LPCAT2: variants seen among roughly 807,000 people sequenced by gnomAD.
LPCAT2 encodes lysophosphatidylcholine acyltransferase 2.
Under a neutral mutation model 64.7 loss-of-function variants are expected in LPCAT2, and 58 were observed. That is an observed-to-expected ratio of 0.90 (90% CI 0.73 to 1.12). The LOEUF (loss-of-function observed/expected upper bound fraction) is 1.12. LPCAT2 is among the 50% of genes most tolerant of loss of function. The pLI, the probability that LPCAT2 is intolerant of heterozygous loss-of-function variation, is 0.00. For missense variants in LPCAT2, 579 were observed against 669.8 expected, an observed-to-expected ratio of 0.86 and a Z score of 1.50; for synonymous variants, 252 against 245.3, an observed-to-expected ratio of 1.03 and a Z score of -0.26.
At chr16:55,573,293 A>G (rs1318232816) in intron 11 of LPCAT2, among the ~76,000 whole-genome samples, 1 of 152,118 alleles carries the variant, frequency 6.6e-6, no homozygotes, top group Non-Finnish European at 1.5e-5. Flanking sequence ...CATCCATGAA[A>G]CTCCAGCAAA....
chr16:55,562,906 A>T (rs1367591686), intron 11 of LPCAT2, among the ~76,000 whole-genome samples: 1 of 151,908 alleles, frequency 6.6e-6, no homozygotes, highest in Non-Finnish European at 1.5e-5. Flanking sequence ...TATTAAAGGT[A>T]GGATTTCTCA....
intron 1 of LPCAT2, among the ~76,000 whole-genome samples, chr16:55,517,165 A>G (rs1963024944): frequency 6.6e-6 from 1 of 152,278 alleles, no homozygotes; most frequent in Admixed American, 6.5e-5. Flanking sequence ...AGAGAGGACA[A>G]TACTACTGAC....
At chr16:55,566,743 G>T in intron 11 of LPCAT2, 1 of 1,593,080 alleles carries the variant, frequency 6.3e-7, no homozygotes, top group Non-Finnish European at 8.5e-7. Context: ...GCATTTGCTT[G>T]TTAAACTGAA....
chr16:55,509,627 G>A (rs1175902614), intron 1 of LPCAT2, among the ~76,000 whole-genome samples: 1 of 151,984 alleles, frequency 6.6e-6, no homozygotes, highest in African/African-American at 2.4e-5. Context: ...CGAGGGGCGC[G>A]TGGGTCTGAG....
chr16:55,574,041 G>A (rs1348113291), intron 11 of LPCAT2, among the ~76,000 whole-genome samples: 1 of 152,102 alleles, frequency 6.6e-6, no homozygotes, highest in Non-Finnish European at 1.5e-5. Flanking sequence ...TATTTTCATT[G>A]GCTTAGAAGT....
At chr16:55,574,544 A>G in intron 11 of LPCAT2, 87 bp from the exon 12 acceptor site, 1 of 903,128 alleles carries the variant, frequency 1.1e-6, no homozygotes, top group South Asian at 1.3e-5. Context: ...GTTGAGCTAT[A>G]AGACATACCT....
chr16:55,582,502 A>G (rs879412965), intron 13 of LPCAT2, among the ~76,000 whole-genome samples: 2 of 152,172 alleles, frequency 1.3e-5, no homozygotes, highest in Non-Finnish European at 2.9e-5. Flanking sequence ...ATAGCTGTTT[A>G]TTCATTTTCA....
At chr16:55,555,402 C>T (rs1963563344) in intron 11 of LPCAT2, among the ~76,000 whole-genome samples, 1 of 152,144 alleles carries the variant, frequency 6.6e-6, no homozygotes, top group Admixed American at 6.5e-5. Context: ...GAGGTAGTTG[C>T]TTATTGTATT....
chr16:55,511,397 C>G (rs1962930237), intron 1 of LPCAT2, among the ~76,000 whole-genome samples: 1 of 152,010 alleles, frequency 6.6e-6, no homozygotes, highest in African/African-American at 2.4e-5. Context: ...TCCATATTAT[C>G]CAGTTTAAAA....
chr16:55,563,086 A>G (rs1963654403), intron 11 of LPCAT2, among the ~76,000 whole-genome samples: 1 of 151,954 alleles, frequency 6.6e-6, no homozygotes, highest in East Asian at 1.9e-4. Context: ...AAGGATGATG[A>G]GTGAGTACTA....
intron 11 of LPCAT2, among the ~76,000 whole-genome samples, chr16:55,553,985 T>C (rs1020670559): frequency 5.9e-5 from 9 of 152,198 alleles, no homozygotes; most frequent in African/African-American, 1.9e-4. Context: ...TTGAAAGGAA[T>C]CTTTTTTTCC....
At chr16:55,545,092 G>A (rs1262459193) in intron 8 of LPCAT2, among the ~76,000 whole-genome samples, 1 of 151,992 alleles carries the variant, frequency 6.6e-6, no homozygotes, top group Admixed American at 6.6e-5. Flanking sequence ...TTAATGTCAG[G>A]AAACCATAAA....
intron 11 of LPCAT2, among the ~76,000 whole-genome samples, chr16:55,556,507 G>A (rs1275108502): frequency 3.3e-5 from 5 of 152,196 alleles, no homozygotes; most frequent in African/African-American, 1.2e-4. Context: ...GCCGGGCGCG[G>A]TGGCTCACGC....
chr16:55,577,296 C>T (rs918711438), intron 12 of LPCAT2, among the ~76,000 whole-genome samples: 13 of 141,354 alleles, frequency 9.2e-5, no homozygotes, highest in African/African-American at 2.9e-4. Context: ...TCAGTATTTG[C>T]TTATTATTTT....
intron 11 of LPCAT2, chr16:55,567,670 C>T (rs1188180264): frequency 3.0e-6 from 2 of 674,756 alleles, no homozygotes; most frequent in Non-Finnish European, 5.0e-6. Context: ...TGAATTAAAA[C>T]AGATATTTCA....
At chr16:55,556,016 T>C (rs780685655) in intron 11 of LPCAT2, among the ~76,000 whole-genome samples, 3 of 152,098 alleles carry the variant, frequency 2.0e-5, no homozygotes, top group African/African-American at 7.2e-5. Context: ...GGCTTCACCA[T>C]GTTGGCCAGG....
At chr16:55,566,941 C>G in intron 11 of LPCAT2, 1 of 1,613,808 alleles carries the variant, frequency 6.2e-7, no homozygotes, top group East Asian at 2.2e-5. Context: ...GAACCGCCTC[C>G]CACTCAGCAG....
chr16:55,524,653 A>C lies in LPCAT2; in HGVS notation c.172-855A>C, dbSNP rs534971821. On this transcript the variant is annotated intron_variant, in intron 1 of 13. Transcript: ENST00000262134. ...TAAGGGCCAGCAGAGACAGCAAAAG[A>C]AGCCTACTATCTGAGTAATATAATC... Among the ~76,000 whole-genome samples, 4 of 152,172 alleles carry C rather than the reference A, an allele frequency of 2.6e-5. No individual in the cohort carries two copies. In the East Asian group the frequency reaches 7.7e-4, roughly 29 times the overall value.
chr16:55,550,907 A>T, intron 10 of LPCAT2, 42 bp from the exon 11 acceptor site: 1 of 1,428,478 alleles, frequency 7.0e-7, no homozygotes, highest in South Asian at 1.6e-5. Context: ...TGTGAATTGT[A>T]AAGGGCTAAT....
Sources: gnomAD v4.1 joint callset for allele counts (sites outside exome capture counted in the v4.1 genomes callset) on GRCh38, gnomAD v4.1.1 for gene constraint, MANE v1.5 for transcripts, NCBI Gene and HGNC (gene_info 2026-07-23, HGNC 2026-07-21) for gene names.